The following FAM3D variants were observed in gnomAD, a reference collection of about 807,000 sequenced individuals.
FAM3D encodes protein FAM3D.
FAM3D carries 26 observed loss-of-function variants against 29.8 expected under a neutral mutation model. The ratio of observed to expected loss-of-function variants is 0.87; its 90% confidence interval spans 0.64 to 1.21. The LOEUF (loss-of-function observed/expected upper bound fraction) is 1.21. Among genes scored for constraint, FAM3D ranks in the 50% most tolerant of loss-of-function variants. FAM3D has a pLI of 0.00. For synonymous variants in FAM3D, 115 were observed against 102.3 expected (o/e 1.12, Z -0.75); for missense variants, 253 against 290.9 (o/e 0.87, Z 0.95).
chr3:58,649,399 G>A (rs781140624), intron 3 of FAM3D, 61 bp from the exon 4 acceptor site: 2 of 1,608,886 alleles, frequency 1.2e-6, no homozygotes, highest in South Asian at 1.1e-5. Context: ...GCAGGATGGA[G>A]GTTGGGGGCT....
At chr3:58,636,784 CACTT>C (rs2066183071) in intron 8 of FAM3D, among the ~76,000 whole-genome samples, 1 of 151,882 alleles carries the variant, frequency 6.6e-6, no homozygotes, top group South Asian at 2.1e-4. Flanking sequence ...TTTTTCCCCT[CACTT>C]AGCACTAGAG....
At chr3:58,660,878 G>A (rs1316851447) in intron 1 of FAM3D, among the ~76,000 whole-genome samples, 1 of 152,144 alleles carries the variant, frequency 6.6e-6, no homozygotes, top group Non-Finnish European at 1.5e-5. Context: ...AGGCACGGCG[G>A]TCAAGTCACA....
At chr3:58,639,036 G>T (rs1174069122) in intron 7 of FAM3D, among the ~76,000 whole-genome samples, 1 of 152,216 alleles carries the variant, frequency 6.6e-6, no homozygotes, top group Non-Finnish European at 1.5e-5. Flanking sequence ...AGGACTACTT[G>T]CTCACAATGC....
chr3:58,639,898 T>C (rs531063245), intron 7 of FAM3D, among the ~76,000 whole-genome samples: 1 of 152,178 alleles, frequency 6.6e-6, no homozygotes, highest in Non-Finnish European at 1.5e-5. Flanking sequence ...AGCATTGCAC[T>C]TGAATCCCTG....
intron 3 of FAM3D, 150 bp downstream of exon 3, chr3:58,653,522 TGG>T: frequency 1.6e-5 from 12 of 747,136 alleles, no homozygotes. Flanking sequence ...CCTGGTAGTC[TGG>T]GGGTGCCCCC....
In FAM3D at chr3:58,640,181, G is replaced by C; in HGVS notation, c.323-4C>G. The C allele has an allele frequency of 6.2e-7, 1 of 1,614,180 alleles. No individual in the cohort carries two copies. The highest frequency in any genetic ancestry group is 8.5e-7 in the Non-Finnish European group (1 of 1,180,026). On this transcript the variant is annotated splice_region_variant and splice_polypyrimidine_tract_variant and intron_variant, in intron 6 of 9. Coordinates refer to ENST00000358781, the MANE Select transcript of FAM3D (RefSeq NM_138805.3). The stretch of plus-strand genomic sequence containing the variant: ...CCCAGCACAGCTCCCGTGGTTCCTA[G>C]GGGTTAAGAGGAGAACGATTATCCC...
chr3:58,645,959 G>A (rs1472223540), intron 4 of FAM3D, among the ~76,000 whole-genome samples: 5 of 152,170 alleles, frequency 3.3e-5, no homozygotes, highest in South Asian at 2.1e-4. Context: ...AGAACCTCTC[G>A]TTTGGGCCAT....
chr3:58,636,533 C>T (rs892250928), intron 8 of FAM3D, 113 bp from the exon 9 acceptor site: 15 of 1,454,420 alleles, frequency 1.0e-5, no homozygotes, highest in Non-Finnish European at 1.4e-5. Flanking sequence ...AGCATCTGCC[C>T]TGGGGGTGTC....
At position 58,634,292 on chromosome 3, in the gene FAM3D, G is replaced by A. The variant is rs772534755; in HGVS notation, c.662C>T (p.Pro221Leu). Residue 221 changes from proline to leucine, a missense_variant, in exon 10 of 10, where the codon CCG (proline) becomes CTG (leucine). Physicochemically the swap from Pro to Leu is moderately conservative, Grantham distance 98. Coordinates refer to ENST00000358781, the MANE Select transcript of FAM3D (RefSeq NM_138805.3). This position sits in a 1 kb window ranked among gnomAD's most constrained non-coding sequence, Gnocchi z 4.6. ...GCCACAGCCACCCTAAAATGGCTTC[G>A]GGGGCATGCAGCCCTCCATCTCCAG... ...ELLEMEGCMP[P>L]KPF The A allele has an allele frequency of 4.3e-6, 7 of 1,613,780 alleles. No individual in the cohort carries two copies. Among genetic ancestry groups the A allele is most frequent in the East Asian group, 2.2e-5 (1 of 44,884 alleles).
At chr3:58,643,777 T>G in intron 5 of FAM3D, 57 bp from the exon 6 acceptor site, 2 of 1,521,638 alleles carry the variant, frequency 1.3e-6, no homozygotes, top group African/African-American at 1.4e-5. Flanking sequence ...ATGAACACTC[T>G]GCTCTCCCAG....
At chr3:58,653,878 A>AT (rs2106895903) in intron 2 of FAM3D, 97 bp from the exon 3 acceptor site, 1 of 895,326 alleles carries the variant, frequency 1.1e-6, no homozygotes, top group Non-Finnish European at 1.8e-6. Flanking sequence ...ACCCCATGCT[A>AT]TAGGCTCAGA....
intron 2 of FAM3D, 86 bp from the exon 3 acceptor site, chr3:58,653,867 G>C: frequency 1.0e-6 from 1 of 997,858 alleles, no homozygotes; most frequent in South Asian, 1.3e-5. Flanking sequence ...AAATCCCACA[G>C]ACCCCATGCT....
chr3:58,642,964 G>A (rs182420872), intron 6 of FAM3D, among the ~76,000 whole-genome samples: 48 of 152,264 alleles, frequency 3.2e-4, no homozygotes, highest in South Asian at 8.3e-4. Flanking sequence ...CCTGCACTGT[G>A]TTGCCCCTGC....
intron 6 of FAM3D, among the ~76,000 whole-genome samples, chr3:58,642,391 C>G (rs2066358700): frequency 6.6e-6 from 1 of 152,206 alleles, no homozygotes; most frequent in African/African-American, 2.4e-5. Context: ...CCCATCCTAC[C>G]CTGTTCCTTC....
rs138524192 is a variant in FAM3D at position 58,644,982 on chromosome 3, C to A, written c.263+527G>T. ...CAGAATCCTGGTTTAAACACCCGTCCCTGAGTTCTTTCATAGGTTGCACTT... is the reference window on the plus strand; with the variant it reads ...CAGAATCCTGGTTTAAACACCCGTCACTGAGTTCTTTCATAGGTTGCACTT... On this transcript the variant is annotated intron_variant, in intron 5 of 9. Coordinates refer to ENST00000358781, the MANE Select transcript of FAM3D (RefSeq NM_138805.3). 4.8e-3 allele frequency among the ~76,000 whole-genome samples: 730 copies of A among 152,280 alleles called. 4 individuals are homozygous for A. Among genetic ancestry groups the A allele is most frequent in the Middle Eastern group, 0.014 (4 of 294 alleles).
rs1031175631 is a variant in FAM3D at position 58,634,788 on chromosome 3, C to A, written c.586-420G>T. On this transcript the variant is annotated intron_variant, in intron 9 of 9. Coordinates refer to ENST00000358781, the MANE Select transcript of FAM3D (RefSeq NM_138805.3). This position sits in a 1 kb window ranked among gnomAD's most constrained non-coding sequence, Gnocchi z 4.6. Reference sequence around the variant, plus strand: ...CTAGGGAGTGTGCACTGTTTACATCCCATTCTACAGATGGGGAAGCTGAGG... The same window carrying A: ...CTAGGGAGTGTGCACTGTTTACATCACATTCTACAGATGGGGAAGCTGAGG... 6.6e-6 allele frequency among the ~76,000 whole-genome samples: 1 copy of A among 152,140 alleles called. No individual in the cohort carries two copies. The highest frequency in any genetic ancestry group is 1.5e-5 in the Non-Finnish European group (1 of 68,014).
chr3:58,645,480 A>T (rs1327062195), intron 5 of FAM3D, 29 bp downstream of exon 5: 1 of 1,466,586 alleles, frequency 6.8e-7, no homozygotes, highest in Non-Finnish European at 9.1e-7. Flanking sequence ...ATAAAATAAA[A>T]TAAACATAGT....
At position 58,655,572 on chromosome 3, in the gene FAM3D, G is replaced by T. The variant is rs1200716854; in HGVS notation, c.-9C>A. 1.9e-6 allele frequency: 3 copies of T among 1,613,102 alleles called. No individual in the cohort carries two copies. Among genetic ancestry groups the T allele is most frequent in the African/African-American group, 2.7e-5 (2 of 74,920 alleles). On this transcript the variant is annotated 5_prime_UTR_variant, in exon 2 of 10. It adds an upstream start codon to the 5' untranslated region. Transcript: ENST00000358781. ...CTACCTGACACTCTCATCCTGTCCA[G>T]GTGAAGGGTGGCTTGGGGTCAGCTT...
At chr3:58,636,470 G>A in intron 8 of FAM3D, 50 bp from the exon 9 acceptor site, 1 of 1,601,636 alleles carries the variant, frequency 6.2e-7, no homozygotes, top group Non-Finnish European at 8.5e-7. Flanking sequence ...GGTCGCAGGG[G>A]CATCAGGTGG....
Sources: allele counts gnomAD v4.1 joint callset (sites outside exome capture counted in the v4.1 genomes callset), GRCh38; gene constraint gnomAD v4.1.1; non-coding constraint Gnocchi (gnomAD v3.1); transcripts MANE v1.5; gene names NCBI Gene and HGNC (gene_info 2026-07-23, HGNC 2026-07-21).